MYH14: variants seen among roughly 807,000 people sequenced by gnomAD.
MYH14 encodes the protein myosin-14.
Under a neutral mutation model 255.5 loss-of-function variants are expected in MYH14, and 123 were observed. The ratio of observed to expected loss-of-function variants is 0.48; its 90% CI spans 0.42 to 0.56. The LOEUF (loss-of-function observed/expected upper bound fraction) is 0.56. MYH14 is among the 20% of genes least tolerant of loss of function. The pLI is 0.00. For missense variants in MYH14, 2,423 were observed against 2,802.3 expected (o/e 0.86, Z 3.06); for synonymous variants, 1,095 against 1,161.2 (o/e 0.94, Z 1.16).
rs1274795270 is a variant in MYH14, at chr19:50,290,941, G to A, written c.5020G>A (p.Val1674Met). The part of the protein sequence containing the change: ...DEERKQRTLA[V>M]AARKKLEGEL... The stretch of plus-strand genomic sequence containing the variant: ...GGAGCGGAAGCAGCGCACTCTGGCC[G>A]TGGCTGCCCGCAAGAAGCTGGAGGG... The change falls in exon 36 of 43, where the codon GTG (valine) becomes ATG (methionine). Residue 1674 changes from valine to methionine, a missense_variant. This residue lies in a region of MYH14 where 1,513 missense variants were observed against 1,674.8 expected (regional missense o/e 0.90). Transcript: ENST00000642316. The A allele has an allele frequency of 8.8e-6, 14 of 1,593,750 alleles. No homozygotes were observed. Among genetic ancestry groups the A allele is most frequent in the Non-Finnish European group, 6.8e-6 (8 of 1,170,850 alleles).
intron 7 of MYH14, 76 bp downstream of exon 7, chr19:50,225,753 G>A (rs1489390615): frequency 2.2e-5 from 23 of 1,036,884 alleles, no homozygotes; most frequent in Admixed American, 2.0e-5. Flanking sequence ...GCTTCAGGGG[G>A]AAAGACACGT....
At chr19:50,215,012 G>A (rs557750980) in intron 2 of MYH14, among the ~76,000 whole-genome samples, 1 of 149,866 alleles carries the variant, frequency 6.7e-6, no homozygotes, top group African/African-American at 2.5e-5. Flanking sequence ...ACCAGGCTGA[G>A]GGGAGCGGGG....
Position 50,293,183 on chromosome 19 carries a change from G to C in MYH14, c.5257-50G>C. The C allele has an allele frequency of 1.5e-6, 2 of 1,345,038 alleles. No individual in the cohort carries two copies. The highest frequency in any genetic ancestry group is 2.1e-6 in the Non-Finnish European group (2 of 956,422). 83.3% of individuals were successfully genotyped at this position (1,345,038 alleles called of 1,614,324 possible). A position where few individuals can be genotyped will look rare whatever the true frequency, so the allele number is the denominator to read the frequency against. On this transcript the variant is annotated intron_variant, in intron 37 of 42. Coordinates refer to ENST00000642316, the MANE Select transcript of MYH14 (RefSeq NM_001145809.2). The surrounding 1 kb of genome is among the most constrained non-coding windows in gnomAD (Gnocchi z 4.1). ...GGACAGAGAAAGGGGTGAGACCCGT[G>C]CCCAGATTGCTTCTCCTCACACCCA...
chr19:50,295,005 GTTTTT>G (rs1195396880), intron 39 of MYH14, among the ~76,000 whole-genome samples: 18 of 143,090 alleles, frequency 1.3e-4, no homozygotes, highest in Admixed American at 1.1e-3. Flanking sequence ...AAGAGATTAA[GTTTTT>G]TTTTTTTTTT....
chr19:50,300,933 A>C (rs940730657), intron 39 of MYH14, among the ~76,000 whole-genome samples: 9 of 150,286 alleles, frequency 6.0e-5, no homozygotes, highest in African/African-American at 2.2e-4. Flanking sequence ...AAACTGTCTC[A>C]AAAAAAGTTT....
chr19:50,301,834 G>A lies in MYH14; in HGVS notation c.5643G>A (p.Leu1881=). 6.2e-7 allele frequency: 1 copy of A among 1,613,558 alleles called. No individual in the cohort carries two copies. The highest frequency in any genetic ancestry group is 8.5e-7 in the Non-Finnish European group (1 of 1,179,754). The change falls in exon 40 of 43, where the codon TTG becomes TTA. Residue 1881 remains leucine (L), a synonymous_variant. Coordinates refer to ENST00000642316, the MANE Select transcript of MYH14 (RefSeq NM_001145809.2). ...CCATTGCTGCCCTTGAGTCTAAGTT[G>A]GCCCAGGCTGAGGAGCAGCTAGAGC... ...KMTIAALESK[L]AQAEEQLEQE... is the part of the protein sequence containing the mutation.
At chr19:50,238,322 A>C (rs1217441891) in intron 10 of MYH14, among the ~76,000 whole-genome samples, 1 of 152,236 alleles carries the variant, frequency 6.6e-6, no homozygotes, top group Admixed American at 6.5e-5. Flanking sequence ...GGCCATTTTA[A>C]AGGCCATTGA....
intron 1 of MYH14, among the ~76,000 whole-genome samples, chr19:50,206,796 G>A (rs556887601): frequency 6.6e-6 from 1 of 152,176 alleles, no homozygotes; most frequent in South Asian, 2.1e-4. Context: ...GGAGCGAGGT[G>A]GGGACGGCAG....
chr19:50,260,653 A>G lies in MYH14; in HGVS notation c.2362A>G (p.Ile788Val). 6.2e-7 allele frequency: 1 copy of G among 1,612,800 alleles called. No individual in the cohort carries two copies. Among genetic ancestry groups the G allele is most frequent in the Non-Finnish European group, 8.5e-7 (1 of 1,179,408 alleles). Residue 788 changes from isoleucine to valine, a missense_variant, in exon 20 of 43, where the codon ATC becomes GTC. Ile to Val is a conservative substitution (Grantham distance 29). Around this residue, in one of 3 missense-constraint regions of MYH14, gnomAD observed 672 missense variants for 881.8 expected, o/e 0.76. Coordinates refer to ENST00000642316, the MANE Select transcript of MYH14 (RefSeq NM_001145809.2). ...LFQEFRQRYE[I>V]LTPNAIPKGF... Reference sequence around the variant, plus strand: ...CCTCCCTGCTCATTGCAGATACGAGATCCTGACACCCAATGCCATCCCCAA... The same window carrying G: ...CCTCCCTGCTCATTGCAGATACGAGGTCCTGACACCCAATGCCATCCCCAA...
At position 50,292,310 on chromosome 19, in the gene MYH14, G is replaced by T; in HGVS notation, c.5177G>T (p.Arg1726Leu). 6.3e-7 allele frequency: 1 copy of T among 1,598,636 alleles called. No individual in the cohort carries two copies. Among genetic ancestry groups the T allele is most frequent in the African/African-American group, 1.3e-5 (1 of 74,746 alleles). Reference sequence around the variant, plus strand: ...GAGGTGGAGGAGACACGCACCTCCCGGGAGGAGATCTTCTCCCAGAATCGG... The same window carrying T: ...GAGGTGGAGGAGACACGCACCTCCCTGGAGGAGATCTTCTCCCAGAATCGG... ...WREVEETRTS[R>L]EEIFSQNRES... The change falls in exon 37 of 43, where the codon CGG becomes CTG. Residue 1726 changes from arginine (R) to leucine (L), a missense_variant. Arg to Leu is a moderately radical substitution (Grantham distance 102). Coordinates refer to ENST00000642316, the MANE Select transcript of MYH14 (RefSeq NM_001145809.2).
chr19:50,206,926 A>G (rs1378425432), intron 1 of MYH14, among the ~76,000 whole-genome samples: 1 of 151,560 alleles, frequency 6.6e-6, no homozygotes, highest in Non-Finnish European at 1.5e-5. Context: ...AGTGGATGAG[A>G]GTAGGGGCCG....
chr19:50,289,279 C>G (rs747846758), intron 34 of MYH14, among the ~76,000 whole-genome samples, 157 bp from the exon 35 acceptor site: 4 of 152,102 alleles, frequency 2.6e-5, no homozygotes, highest in African/African-American at 9.7e-5. Context: ...AGGAAGGAGC[C>G]GTTCAGCAGA....
chr19:50,243,249 A>G (rs1006743405), intron 10 of MYH14, among the ~76,000 whole-genome samples: 1 of 152,162 alleles, frequency 6.6e-6, no homozygotes, highest in African/African-American at 2.4e-5. Flanking sequence ...CAGCCTGGCC[A>G]ACATGGCGAA....
At position 50,276,929 on chromosome 19, in the gene MYH14, G is replaced by T; in HGVS notation, c.3825+28G>T. The stretch of plus-strand genomic sequence containing the variant: ...GGGTTGGGGCAGGGGGACAGGGCAG[G>T]GGGGCCACGGGGAGGGCAGGGCAGG... On this transcript the variant is annotated intron_variant, in intron 29 of 42. Transcript: ENST00000642316. The surrounding 1 kb of genome is among the most constrained non-coding windows in gnomAD (Gnocchi z 4.3). 6.1e-6 allele frequency: 9 copies of T among 1,467,784 alleles called. No individual in the cohort carries two copies. The highest frequency in any genetic ancestry group is 7.5e-6 in the Non-Finnish European group (8 of 1,066,042). 90.9% of individuals were successfully genotyped at this position (1,467,784 alleles called of 1,614,324 possible).
chr19:50,233,086 G>A (rs62112651), intron 10 of MYH14, among the ~76,000 whole-genome samples: 37,939 of 151,992 alleles, frequency 0.25, 4,805 homozygotes, highest in Non-Finnish European at 0.27. Context: ...GGGCTGCTCA[G>A]GTTGGCCCAG....
At chr19:50,236,185 T>C (rs920057920) in intron 10 of MYH14, among the ~76,000 whole-genome samples, 8 of 151,762 alleles carry the variant, frequency 5.3e-5, no homozygotes, top group African/African-American at 1.7e-4. Flanking sequence ...CACAAAAAAT[T>C]ACCTGGGCGT....
Position 50,268,185 on chromosome 19 carries a change from G to A in MYH14, c.2851G>A (p.Ala951Thr), listed in dbSNP as rs1337379742. Residue 951 changes from alanine to threonine, a missense_variant, in exon 24 of 43, where the codon GCA becomes ACA. Transcript: ENST00000642316. Reference sequence around the variant, plus strand: ...GCTGGAAGAGGAGCGCGCCCGCCTGGCAGAGCAATTGCGAGCAGAGGCAGA... The same window carrying A: ...GCTGGAAGAGGAGCGCGCCCGCCTGACAGAGCAATTGCGAGCAGAGGCAGA... Reference protein sequence around the residue: ...AQLEEERARLAEQLRAEAELC... With the variant: ...AQLEEERARLTEQLRAEAELC... 1.3e-6 allele frequency: 2 copies of A among 1,550,808 alleles called. No homozygotes were observed. The highest frequency in any genetic ancestry group is 3.9e-5 in the Admixed American group (2 of 51,208).
In MYH14 at chr19:50,233,879, A is replaced by G. The variant is rs544571690; in HGVS notation, c.1114+1809A>G. Among the ~76,000 whole-genome samples the G allele has an allele frequency of 2.2e-5, 3 of 133,800 alleles. No individual in the cohort carries two copies. The Admixed American group carries it at 2.6e-4, about 12-fold the overall frequency. 87.8% of individuals were successfully genotyped at this position (133,800 alleles called of 152,430 possible). Reference sequence around the variant, plus strand: ...AGTCTTGCTGGAGTGCAAGTGGTGCAATCTCGGCTCACTGCAACCTCCACC... The same window carrying G: ...AGTCTTGCTGGAGTGCAAGTGGTGCGATCTCGGCTCACTGCAACCTCCACC... On this transcript the variant is annotated intron_variant, in intron 10 of 42. Transcript: ENST00000642316.
At chr19:50,270,717 CAG>C (rs1341725481) in intron 24 of MYH14, among the ~76,000 whole-genome samples, 1 of 148,206 alleles carries the variant, frequency 6.7e-6, no homozygotes, top group African/African-American at 2.5e-5. Flanking sequence ...TTTTTTGAGA[CAG>C]AGTCTCACTC....
Sources: allele counts gnomAD v4.1 joint callset (sites outside exome capture counted in the v4.1 genomes callset), GRCh38; gene constraint gnomAD v4.1.1; regional missense constraint gnomAD v4.1.1; non-coding constraint Gnocchi (gnomAD v3.1); transcripts MANE v1.5; gene names NCBI Gene and HGNC (gene_info 2026-07-23, HGNC 2026-07-21).